COL4A1: variants seen among roughly 807,000 people sequenced by gnomAD.
The protein encoded by COL4A1 is collagen alpha-1(IV) chain.
In COL4A1, 40 loss-of-function variants were observed where a neutral mutation model predicts 216.6. That is an observed-to-expected ratio of 0.18 (90% CI 0.14 to 0.24). The LOEUF is 0.24. Ranked by LOEUF, COL4A1 falls within the 10% of genes least tolerant of loss-of-function variation. COL4A1 has a pLI of 1.00. For synonymous variants in COL4A1, 839 were observed against 810.7 expected, an observed-to-expected ratio of 1.03 and a Z score of -0.59; for missense variants, 1,628 against 2,196.8, an observed-to-expected ratio of 0.74 and a Z score of 5.18.
At chr13:110,209,731 A>G (rs1361608008) in intron 10 of COL4A1, 2 of 745,674 alleles carry the variant, frequency 2.7e-6, no homozygotes, top group Middle Eastern at 2.5e-4. Context: ...AGCCCCTTCA[A>G]CCATGACTGC....
intron 26 of COL4A1, among the ~76,000 whole-genome samples, chr13:110,183,895 C>T (rs371680338): frequency 1.3e-5 from 2 of 152,182 alleles, no homozygotes; most frequent in South Asian, 2.1e-4. Context: ...GTCAGGGTTT[C>T]GCTGTTAAGA....
intron 1 of COL4A1, among the ~76,000 whole-genome samples, chr13:110,275,573 T>G (rs1428302987): frequency 6.6e-6 from 1 of 152,194 alleles, no homozygotes; most frequent in East Asian, 1.9e-4. Flanking sequence ...GCTGAAAACT[T>G]ATGTCCACAC....
intron 26 of COL4A1, among the ~76,000 whole-genome samples, chr13:110,184,152 C>T (rs1005274408): frequency 1.3e-5 from 2 of 152,146 alleles, no homozygotes; most frequent in South Asian, 2.1e-4. Flanking sequence ...TTTCTAATCT[C>T]GAAGCTAATT....
At chr13:110,219,810 GTATATATGTATATATATGTATGTATGTA>G (rs1566385498) in intron 2 of COL4A1, among the ~76,000 whole-genome samples, 31 of 115,842 alleles carry the variant, frequency 2.7e-4, no homozygotes, top group Middle Eastern at 4.3e-3. Context: ...GTATATATGT[GTATATATGTATATATATGTATGTATGTA>G]TATATGTGTA....
At chr13:110,238,632 C>T (rs1004096476) in intron 2 of COL4A1, among the ~76,000 whole-genome samples, 3 of 152,176 alleles carry the variant, frequency 2.0e-5, no homozygotes, top group East Asian at 1.9e-4. Flanking sequence ...GGTTTACTCT[C>T]GCCTTGTTAT....
At chr13:110,198,294 T>C (rs1385999354) in intron 21 of COL4A1, among the ~76,000 whole-genome samples, 173 bp downstream of exon 21, 1 of 152,228 alleles carries the variant, frequency 6.6e-6, no homozygotes, top group African/African-American at 2.4e-5. Context: ...TTGCTTTTTG[T>C]AGCATGGTTC....
rs182070420 is a variant in COL4A1 at position 110,176,332 on chromosome 13, C to T, written c.3058+92G>A. On this transcript the variant is annotated intron_variant, in intron 36 of 51. Coordinates refer to ENST00000375820, the MANE Select transcript of COL4A1 (RefSeq NM_001845.6). ...AAGACACACGTGCCTGGATTCTGTCCGTCTCAGCTGAAGAGGATCTCATTC... is the reference window on the plus strand; with the variant it reads ...AAGACACACGTGCCTGGATTCTGTCTGTCTCAGCTGAAGAGGATCTCATTC... 111 of 875,308 alleles carry T rather than the reference C, an allele frequency of 1.3e-4. No homozygotes were observed. In the East Asian group the frequency reaches 2.1e-3, roughly 17 times the overall value. The allele number at this position is 875,308 out of a possible 1,614,324, so 54.2% of individuals were successfully genotyped here.
At chr13:110,293,168 C>G (rs1884152567) in intron 1 of COL4A1, among the ~76,000 whole-genome samples, 1 of 152,164 alleles carries the variant, frequency 6.6e-6, no homozygotes, top group Non-Finnish European at 1.5e-5. Context: ...AGGTTTAGCC[C>G]TCCCATGCAA....
intron 47 of COL4A1, 43 bp downstream of exon 47, chr13:110,163,420 G>A: frequency 6.4e-7 from 1 of 1,573,682 alleles, no homozygotes; most frequent in South Asian, 1.1e-5. Context: ...CTATCCCAAA[G>A]ATCCTGGTCA....
intron 32 of COL4A1, 31 bp from the exon 33 acceptor site, chr13:110,177,962 T>G: frequency 2.5e-6 from 4 of 1,614,086 alleles, no homozygotes; most frequent in Non-Finnish European, 2.5e-6. Context: ...TGTGAACATT[T>G]TCTTGCTCTG....
intron 22 of COL4A1, among the ~76,000 whole-genome samples, chr13:110,193,873 C>G (rs576989785): frequency 1.3e-5 from 2 of 152,198 alleles, no homozygotes; most frequent in Non-Finnish European, 2.9e-5. Flanking sequence ...AAGTTCTGGG[C>G]ACTGGGGCAT....
chr13:110,201,554 T>C lies in COL4A1; in HGVS notation c.1000-32A>G, dbSNP rs1879242976. 3 of 1,588,944 alleles carry C rather than the reference T, an allele frequency of 1.9e-6. No individual in the cohort carries two copies. The African/African-American group carries it at 4.0e-5, about 21-fold the overall frequency. On this transcript the variant is annotated intron_variant, in intron 18 of 51. Coordinates refer to ENST00000375820, the MANE Select transcript of COL4A1 (RefSeq NM_001845.6). ...CGAGAAGGAAAAGGTGATCATCCCGTGGCATGGGAATGGCTAGTCCTGTAT... is the reference window on the plus strand; with the variant it reads ...CGAGAAGGAAAAGGTGATCATCCCGCGGCATGGGAATGGCTAGTCCTGTAT...
At chr13:110,199,040 G>C (rs1879039524) in intron 20 of COL4A1, among the ~76,000 whole-genome samples, 2 of 152,196 alleles carry the variant, frequency 1.3e-5, no homozygotes, top group South Asian at 4.1e-4. Flanking sequence ...CTAGAAGAAA[G>C]AGCAGAAAAT....
intron 1 of COL4A1, among the ~76,000 whole-genome samples, chr13:110,253,352 T>G (rs61374037): frequency 4.0e-5 from 2 of 50,524 alleles, no homozygotes; most frequent in African/African-American, 1.7e-4. Flanking sequence ...ATACATATAA[T>G]TATATGTATT....
intron 1 of COL4A1, among the ~76,000 whole-genome samples, chr13:110,271,073 A>C (rs545584037): frequency 2.0e-5 from 3 of 152,364 alleles, no homozygotes; most frequent in African/African-American, 7.2e-5. Flanking sequence ...ATGGATTACA[A>C]TTCATAGAAT....
chr13:110,239,150 T>A lies in COL4A1; in HGVS notation c.144+3525A>T, dbSNP rs576360762. Among the ~76,000 whole-genome samples the A allele has an allele frequency of 5.9e-5, 9 of 152,312 alleles. No individual in the cohort carries two copies. In the East Asian group the frequency reaches 1.7e-3, roughly 29 times the overall value. On this transcript the variant is annotated intron_variant, in intron 2 of 51. Transcript: ENST00000375820. ...GCTGAATTTAACTGTTGAACTCAGA[T>A]CAAGCTATCTAGTATTTATTGATTA...
chr13:110,203,171 C>T (rs1879324711), intron 18 of COL4A1, among the ~76,000 whole-genome samples: 1 of 151,898 alleles, frequency 6.6e-6, no homozygotes, highest in Non-Finnish European at 1.5e-5. Flanking sequence ...CAAGATCGCA[C>T]CACTGCACTC....
rs535851588 is a variant in COL4A1, at chr13:110,168,795, CT to C, written c.3876+833del. ...AAATCCCTCCTATTCATGATCTCCC[CT>C]GATATACTCTCTCTTTCTCCTAACG... On this transcript the variant is annotated intron_variant, in intron 43 of 51. Transcript: ENST00000375820. Among the ~76,000 whole-genome samples the C allele has an allele frequency of 5.7e-3, 861 of 152,292 alleles. 7 individuals are homozygous for C. Among genetic ancestry groups the C allele is most frequent in the African/African-American group, 0.02 (811 of 41,556 alleles).
chr13:110,205,972 G>A (rs1192094034), intron 15 of COL4A1, among the ~76,000 whole-genome samples: 1 of 151,970 alleles, frequency 6.6e-6, no homozygotes, highest in Non-Finnish European at 1.5e-5. Context: ...GTAAATGAGG[G>A]TTCTATGTAA....
Sources: allele counts gnomAD v4.1 joint callset (sites outside exome capture counted in the v4.1 genomes callset), GRCh38; gene constraint gnomAD v4.1.1; transcripts MANE v1.5; gene names NCBI Gene and HGNC (gene_info 2026-07-23, HGNC 2026-07-21).